WDR5: variants seen among roughly 807,000 people sequenced by gnomAD.
The protein encoded by WDR5 is WD repeat domain 5.
For synonymous variants in WDR5, 144 were observed against 161.6 expected (o/e 0.89, Z 0.83); for missense variants, 187 against 416.9 (o/e 0.45, Z 4.80).
intron 8 of WDR5, among the ~76,000 whole-genome samples, chr9:134,150,399 C>T (rs1391505771): frequency 1.3e-5 from 2 of 152,180 alleles, no homozygotes; most frequent in East Asian, 3.8e-4. Context: ...TATCCAGCAG[C>T]CAACCCTTCA....
rs546556196 is a variant in WDR5 at position 134,141,960 on chromosome 9, T to C, written c.276T>C (p.Asp92=). 13 of 1,614,214 alleles carry C rather than the reference T, an allele frequency of 8.1e-6. No homozygotes were observed. Among genetic ancestry groups the C allele is most frequent in the African/African-American group, 2.7e-5 (2 of 75,052 alleles). Reference sequence around the variant, plus strand: ...TTTTTCTCCCCAAGGGAATATCCGATGTAGCCTGGTCGTCAGATTCTAACC... The same window carrying C: ...TTTTTCTCCCCAAGGGAATATCCGACGTAGCCTGGTCGTCAGATTCTAACC... ...TISGHKLGIS[D]VAWSSDSNLL... is the part of the protein sequence containing the mutation. Residue 92 remains aspartate, a synonymous_variant, in exon 5 of 14, where the codon GAT becomes GAC. Transcript: ENST00000358625.
At chr9:134,136,300 G>A (rs1831547873) in intron 1 of WDR5, 100 bp downstream of exon 1, 1 of 149,480 alleles carries the variant, frequency 6.7e-6, no homozygotes, top group Non-Finnish European at 1.5e-5. Context: ...GTTCCCCGCC[G>A]GGCCTCGGGC....
intron 2 of WDR5, among the ~76,000 whole-genome samples, chr9:134,140,177 A>G (rs995309033): frequency 6.6e-6 from 1 of 152,156 alleles, no homozygotes; most frequent in Admixed American, 6.5e-5. Context: ...AAAAATACAG[A>G]TTCTTGGTTC....
Position 134,158,030 on chromosome 9 carries a change from G to T in WDR5, c.*37G>T. ...CCTGCCCGCGAGAGACTGTCGGGAA[G>T]TTGACCCGGATTGGCAAGAAACAGG... On this transcript the variant is annotated 3_prime_UTR_variant, in exon 14 of 14. Transcript: ENST00000358625. The T allele has an allele frequency of 6.2e-7, 1 of 1,600,066 alleles. No homozygotes were observed.
At chr9:134,144,113 G>A (rs932759687) in intron 7 of WDR5, among the ~76,000 whole-genome samples, 10 of 152,254 alleles carry the variant, frequency 6.6e-5, no homozygotes, top group African/African-American at 9.6e-5. Context: ...GGCAGGCGAA[G>A]CCCTGATACT....
At chr9:134,150,710 T>C (rs1224303550) in intron 8 of WDR5, among the ~76,000 whole-genome samples, 1 of 152,220 alleles carries the variant, frequency 6.6e-6, no homozygotes, top group Non-Finnish European at 1.5e-5. Flanking sequence ...CAGCCTTGCT[T>C]TTCAGGCAGG....
intron 8 of WDR5, among the ~76,000 whole-genome samples, chr9:134,150,438 T>A (rs1832431741): frequency 6.6e-6 from 1 of 152,194 alleles, no homozygotes; most frequent in African/African-American, 2.4e-5. Context: ...GTTGACCACT[T>A]ACTGGTAACT....
At chr9:134,141,372 C>A in intron 3 of WDR5, 138 bp from the exon 4 acceptor site, 2 of 728,492 alleles carry the variant, frequency 2.7e-6, no homozygotes, top group Non-Finnish European at 4.7e-6. Context: ...AGGCATGTGG[C>A]CGTGCTGAAT....
intron 9 of WDR5, among the ~76,000 whole-genome samples, chr9:134,152,443 G>T (rs1178002443): frequency 1.3e-5 from 2 of 152,186 alleles, no homozygotes; most frequent in African/African-American, 2.4e-5. Flanking sequence ...GAGGTGTCCT[G>T]GGGGCACGGA....
In WDR5 at chr9:134,142,641, C is replaced by T. The variant is rs541927663; in HGVS notation, c.450C>T (p.Asp150=). ...QSNLIVSGSF[D]ESVRIWDVKT... is the part of the protein sequence containing the mutation. ...GTCATCTCTTTTGTGTTCAGTTTGA[C>T]GAAAGCGTGAGGATATGGGATGTGA... The change falls in exon 7 of 14, where the codon GAC becomes GAT. Residue 150 remains aspartate, a synonymous_variant. Coordinates refer to ENST00000358625, the MANE Select transcript of WDR5 (RefSeq NM_017588.3). 1.2e-5 allele frequency: 19 copies of T among 1,614,156 alleles called. No homozygotes were observed. The highest frequency in any genetic ancestry group is 1.6e-4 in the Middle Eastern group (1 of 6,062).
At chr9:134,137,716 C>T (rs1831650924) in intron 1 of WDR5, among the ~76,000 whole-genome samples, 1 of 151,568 alleles carries the variant, frequency 6.6e-6, no homozygotes, top group Admixed American at 6.6e-5. Flanking sequence ...TAGACCCCAC[C>T]GACGTAGAAA....
chr9:134,147,531 G>C (rs75358124), intron 7 of WDR5, among the ~76,000 whole-genome samples: 2,722 of 152,304 alleles, frequency 0.018, 78 homozygotes, highest in African/African-American at 0.062. Context: ...CCCCCCGGAA[G>C]AGTCTGGTCT....
At chr9:134,136,509 C>G (rs1233702641) in intron 1 of WDR5, among the ~76,000 whole-genome samples, 1 of 152,190 alleles carries the variant, frequency 6.6e-6, no homozygotes, top group Non-Finnish European at 1.5e-5. Context: ...GCAGCGTGCC[C>G]GGCCTCACAT....
At chr9:134,155,477 A>G (rs563057176) in intron 11 of WDR5, 104 bp downstream of exon 11, 1 of 1,453,998 alleles carries the variant, frequency 6.9e-7, no homozygotes, top group Non-Finnish European at 9.3e-7. Flanking sequence ...AGGAGCTCAG[A>G]GAGCCATCTC....
Position 134,141,181 on chromosome 9 carries a change from G to T in WDR5, c.191-329G>T, listed in dbSNP as rs548421969. On this transcript the variant is annotated intron_variant, in intron 3 of 13. Transcript: ENST00000358625. ...CATGCCTGTAGTCCCAGCTACTCAG[G>T]AGGTTGAGGCAGGAGAATCGCTTGA... Among the ~76,000 whole-genome samples, 47 of 152,332 alleles carry T rather than the reference G, an allele frequency of 3.1e-4. 2 individuals are homozygous for T. In the East Asian group the frequency reaches 9.1e-3, roughly 29 times the overall value.
intron 3 of WDR5, 126 bp downstream of exon 3, chr9:134,140,937 G>A (rs1588168960): frequency 1.1e-5 from 9 of 853,722 alleles, no homozygotes; most frequent in East Asian, 1.0e-4. Context: ...TGGGGGGCAC[G>A]TAGCAGGCGG....
At chr9:134,142,598 C>G (rs1348862624) in intron 6 of WDR5, 38 bp from the exon 7 acceptor site, 1 of 1,611,098 alleles carries the variant, frequency 6.2e-7, no homozygotes, top group East Asian at 2.2e-5. Flanking sequence ...TGTCCCCTCT[C>G]CTTCCTGTAA....
At chr9:134,145,104 T>G (rs957400201) in intron 7 of WDR5, among the ~76,000 whole-genome samples, 1 of 121,266 alleles carries the variant, frequency 8.2e-6, no homozygotes, top group Non-Finnish European at 1.7e-5. Flanking sequence ...TTGTTTTTTT[T>G]TTTTTTTTTT....
At chr9:134,141,746 A>G (rs1187779137) in intron 4 of WDR5, among the ~76,000 whole-genome samples, 163 bp downstream of exon 4, 2 of 152,160 alleles carry the variant, frequency 1.3e-5, no homozygotes, top group Non-Finnish European at 2.9e-5. Flanking sequence ...CCCAAATAAC[A>G]TTTGACTTCC....
Sources: allele counts gnomAD v4.1 joint callset (sites outside exome capture counted in the v4.1 genomes callset), GRCh38; gene constraint gnomAD v4.1.1; transcripts MANE v1.5; gene names NCBI Gene and HGNC (gene_info 2026-07-23, HGNC 2026-07-21).